Variants in SULF1 observed in about 807,000 individuals in gnomAD.
SULF1 encodes the protein sulfatase 1, also known as extracellular sulfatase Sulf-1.
Under a neutral mutation model 110.5 loss-of-function variants are expected in SULF1, and 46 were observed. The ratio of observed to expected loss-of-function variants is 0.42; its 90% CI spans 0.33 to 0.53. The LOEUF is 0.53. Ranked by LOEUF, SULF1 falls within the 20% of genes least tolerant of loss-of-function variation. SULF1 has a pLI of 0.12. For synonymous variants in SULF1, 371 were observed against 387.1 expected (o/e 0.96, Z 0.49); for missense variants, 941 against 1,094.2 (o/e 0.86, Z 1.98).
chr8:69,608,944 C>G (rs1586540129), intron 13 of SULF1, among the ~76,000 whole-genome samples: 2 of 152,166 alleles, frequency 1.3e-5, no homozygotes, highest in East Asian at 3.9e-4. Flanking sequence ...CACACACATG[C>G]ACATGTGCAT....
chr8:69,520,381 A>G (rs1812215622), intron 3 of SULF1, among the ~76,000 whole-genome samples: 1 of 152,028 alleles, frequency 6.6e-6, no homozygotes, highest in Non-Finnish European at 1.5e-5. Context: ...TCATTCTTCT[A>G]GTTACCTTCA....
At position 69,621,249 on chromosome 8, in the gene SULF1, C is replaced by T; in HGVS notation, c.1592C>T (p.Pro531Leu). 6.2e-7 allele frequency: 1 copy of T among 1,610,426 alleles called. No individual in the cohort carries two copies. Among genetic ancestry groups the T allele is most frequent in the Non-Finnish European group, 8.5e-7 (1 of 1,177,850 alleles). The change falls in exon 14 of 23, where the codon CCA (proline) becomes CTA (leucine). Residue 531 changes from proline (P) to leucine (L), a missense_variant and splice_region_variant. Physicochemically the swap from Pro to Leu is moderately conservative, Grantham distance 98. This residue lies in a region of SULF1 where 822 missense variants were observed against 934.3 expected (regional missense o/e 0.88). Transcript: ENST00000402687. Reference protein sequence around the residue: ...QRQFLRNQGTPKYKPRFVHTR... With the variant: ...QRQFLRNQGTLKYKPRFVHTR... ...CAATTCTTGAGAAACCAGGGGACTC[C>T]AAGTAAGCCACGCTTTTGTGACCAT...
intron 9 of SULF1, among the ~76,000 whole-genome samples, 163 bp from the exon 10 acceptor site, chr8:69,601,491 T>G (rs1382088113): frequency 6.6e-6 from 1 of 152,178 alleles, no homozygotes; most frequent in Non-Finnish European, 1.5e-5. Flanking sequence ...GACCTTTCCC[T>G]CCCAGACTGT....
intron 8 of SULF1, among the ~76,000 whole-genome samples, chr8:69,589,924 G>GA (rs1806769304): frequency 6.6e-6 from 1 of 152,204 alleles, no homozygotes; most frequent in African/African-American, 2.4e-5. Flanking sequence ...AGTTGGCTCT[G>GA]TGTCTGCTGA....
chr8:69,577,069 C>T (rs1253308361), intron 6 of SULF1, among the ~76,000 whole-genome samples: 1 of 152,198 alleles, frequency 6.6e-6, no homozygotes, highest in Non-Finnish European at 1.5e-5. Context: ...GCACTTAATA[C>T]TTGTTATTTA....
rs1201445487 is a variant in SULF1, at chr8:69,486,847, T to A, written c.-390-8918T>A. 2.0e-5 allele frequency among the ~76,000 whole-genome samples: 3 copies of A among 152,212 alleles called. No individual in the cohort carries two copies. The East Asian group carries it at 5.8e-4, about 29-fold the overall frequency. On this transcript the variant is annotated intron_variant, in intron 1 of 22. Coordinates refer to the SULF1 transcript ENST00000260128. ...TTATTTAGAATCTAGGGCATCACAA[T>A]GAACATGGCTCAGTATTTTCATAAG...
chr8:69,609,213 G>C (rs1203752349), intron 13 of SULF1, among the ~76,000 whole-genome samples: 1 of 152,188 alleles, frequency 6.6e-6, no homozygotes, highest in South Asian at 2.1e-4. Context: ...AGGCGTGGTG[G>C]TGTGTGCCTG....
rs1008321314 is a variant in SULF1, at chr8:69,563,568, C to G, written c.-104C>G. Reference sequence around the variant, plus strand: ...CTATCTGCAGATGTTCTGAATACCTCTGAGAATAGAGATTGATTATTCAAC... The same window carrying G: ...CTATCTGCAGATGTTCTGAATACCTGTGAGAATAGAGATTGATTATTCAAC... On this transcript the variant is annotated 5_prime_UTR_variant, in exon 4 of 23. Transcript: ENST00000402687. The G allele has an allele frequency of 4.6e-5, 8 of 173,032 alleles. No homozygotes were observed. Among genetic ancestry groups the G allele is most frequent in the African/African-American group, 1.9e-4 (8 of 41,888 alleles). 10.7% of individuals were successfully genotyped at this position (173,032 alleles called of 1,614,324 possible). A position where few individuals can be genotyped will look rare whatever the true frequency, so the allele number is the denominator to read the frequency against.
rs540474255 is a variant in SULF1 at position 69,558,404 on chromosome 8, GTGCCAT to G, written c.-133-5131_-133-5126del. On this transcript the variant is annotated intron_variant, in intron 3 of 22. Coordinates refer to ENST00000402687, the MANE Select transcript of SULF1 (RefSeq NM_001128205.2). ...CTTTTTTCTCTGGCCTAACTATAAA[GTGCCAT>G]TGCTTTGTACTAGAAATAATTCTTC... Among the ~76,000 whole-genome samples, 4 of 152,308 alleles carry G rather than the reference GTGCCAT, an allele frequency of 2.6e-5. No homozygotes were observed. The East Asian group carries it at 7.7e-4, about 29-fold the overall frequency.
chr8:69,475,986 C>T (rs1809285910), intron 1 of SULF1, among the ~76,000 whole-genome samples: 2 of 152,094 alleles, frequency 1.3e-5, no homozygotes, highest in Admixed American at 1.3e-4. Context: ...ATATTCGAGT[C>T]AAAATACTCA....
chr8:69,593,179 G>T (rs1180221353), intron 8 of SULF1, among the ~76,000 whole-genome samples: 2 of 152,188 alleles, frequency 1.3e-5, no homozygotes, highest in Non-Finnish European at 2.9e-5. Context: ...GGAGGAAGGG[G>T]CTGGAAGGAG....
intron 5 of SULF1, among the ~76,000 whole-genome samples, chr8:69,574,035 C>A (rs1203296904): frequency 6.6e-6 from 1 of 152,136 alleles, no homozygotes; most frequent in Admixed American, 6.5e-5. Flanking sequence ...CTCATCTGCA[C>A]CCTTCGTGGA....
chr8:69,644,443 T>C (rs1811724042), intron 22 of SULF1, among the ~76,000 whole-genome samples: 1 of 150,956 alleles, frequency 6.6e-6, no homozygotes, highest in Non-Finnish European at 1.5e-5. Flanking sequence ...TGTTAGTATA[T>C]TTTATAAGAA....
chr8:69,564,667 G>A (rs1815739727), intron 5 of SULF1, among the ~76,000 whole-genome samples: 1 of 152,216 alleles, frequency 6.6e-6, no homozygotes, highest in South Asian at 2.1e-4. Flanking sequence ...TACTACCTTA[G>A]ATATGATGCT....
chr8:69,477,000 G>T (rs184271042), intron 1 of SULF1, among the ~76,000 whole-genome samples: 1 of 152,188 alleles, frequency 6.6e-6, no homozygotes, highest in Admixed American at 6.5e-5. Flanking sequence ...TAGAGATTAG[G>T]GACTGAAACA....
At chr8:69,573,880 C>T (rs1365157229) in intron 5 of SULF1, among the ~76,000 whole-genome samples, 2 of 152,200 alleles carry the variant, frequency 1.3e-5, no homozygotes, top group African/African-American at 4.8e-5. Context: ...GTTTTCTTCT[C>T]ACGGTGAAAA....
rs866936099 is a variant in SULF1 at position 69,642,251 on chromosome 8, G to A, written c.2585+1410G>A. The stretch of plus-strand genomic sequence containing the variant: ...TGTTGCTGTTCCTGGTACCCTGTTC[G>A]GCCCCTCTAACCTCCAGAGCTATGG... On this transcript the variant is annotated intron_variant, in intron 22 of 22. Coordinates refer to ENST00000402687, the MANE Select transcript of SULF1 (RefSeq NM_001128205.2). 2.9e-5 allele frequency: 29 copies of A among 985,722 alleles called. No individual in the cohort carries two copies. In the South Asian group the frequency reaches 7.5e-4, roughly 26 times the overall value. The allele number at this position is 985,722 out of a possible 1,614,324, so 61.1% of individuals were successfully genotyped here.
intron 3 of SULF1, among the ~76,000 whole-genome samples, chr8:69,530,969 C>A (rs1232972838): frequency 6.6e-6 from 1 of 152,192 alleles, no homozygotes; most frequent in African/African-American, 2.4e-5. Context: ...CACTTTCACA[C>A]CTGGGCCAAC....
At chr8:69,631,619 C>A (rs1441348066) in intron 19 of SULF1, among the ~76,000 whole-genome samples, 3 of 152,226 alleles carry the variant, frequency 2.0e-5, no homozygotes, top group Non-Finnish European at 4.4e-5. Flanking sequence ...TGCTCCTATC[C>A]AATCTTACAC....
Sources: gnomAD v4.1 joint callset for allele counts (sites outside exome capture counted in the v4.1 genomes callset) on GRCh38, gnomAD v4.1.1 for gene constraint, gnomAD v4.1.1 regional missense constraint, MANE v1.5 for transcripts, NCBI Gene and HGNC (gene_info 2026-07-23, HGNC 2026-07-21) for gene names.